The following EHD2 variants were observed in gnomAD, a reference collection of about 807,000 sequenced individuals.
EHD2 encodes the protein EH domain-containing protein 2.
A neutral mutation model predicts 41.0 loss-of-function variants in EHD2; 27 were observed. The ratio of observed to expected loss-of-function variants is 0.66; its 90% CI spans 0.49 to 0.91. EHD2 has a LOEUF of 0.91. EHD2 is among the 40% of genes least tolerant of loss of function. The pLI is 0.00. For synonymous variants in EHD2, 342 were observed against 341.0 expected, an observed-to-expected ratio of 1.00 and a Z score of -0.03; for missense variants, 673 against 773.9, an observed-to-expected ratio of 0.87 and a Z score of 1.55.
chr19:47,741,549 G>A lies in EHD2; in HGVS notation c.*117G>A. The A allele has an allele frequency of 8.1e-7, 1 of 1,232,792 alleles. No homozygotes were observed. Among genetic ancestry groups the A allele is most frequent in the African/African-American group, 1.5e-5 (1 of 65,926 alleles). The allele number at this position is 1,232,792 out of a possible 1,614,324, so 76.4% of individuals were successfully genotyped here. A position where few individuals can be genotyped will look rare whatever the true frequency, so the allele number is the denominator to read the frequency against. On this transcript the variant is annotated 3_prime_UTR_variant, in exon 6 of 6. Transcript: ENST00000263277. This position sits in a 1 kb window ranked among gnomAD's most constrained non-coding sequence, Gnocchi z 4.5. The stretch of plus-strand genomic sequence containing the variant: ...CCTCCCTGCCCAGCTGTAAGGACCG[G>A]GGGTCTCCCTCCTCACTACCGCCAG...
rs1377822590 is a variant in EHD2 at position 47,716,573 on chromosome 19, C to T, written c.-40C>T. 6.9e-7 allele frequency: 1 copy of T among 1,459,700 alleles called. No homozygotes were observed. Among genetic ancestry groups the T allele is most frequent in the Non-Finnish European group, 9.0e-7 (1 of 1,108,520 alleles). 90.4% of individuals were successfully genotyped at this position (1,459,700 alleles called of 1,614,324 possible). On this transcript the variant is annotated 5_prime_UTR_variant, in exon 2 of 6. Coordinates refer to ENST00000263277, the MANE Select transcript of EHD2 (RefSeq NM_014601.4). The stretch of plus-strand genomic sequence containing the variant: ...CCTCCCACAGGCAGCTCTCCATCTG[C>T]ACGTCTCTCCGTGAACCCCGTGAGC...
At chr19:47,732,860 G>C (rs1246143557) in intron 4 of EHD2, 1 of 152,056 alleles carries the variant, frequency 6.6e-6, no homozygotes, top group African/African-American at 2.4e-5. Flanking sequence ...AATGTGGGCG[G>C]ATCATCTGAG....
intron 2 of EHD2, among the ~76,000 whole-genome samples, chr19:47,717,840 G>A (rs1355280576): frequency 1.3e-5 from 2 of 150,392 alleles, no homozygotes; most frequent in Admixed American, 1.3e-4. Context: ...CCTGGGAGGC[G>A]GAGGTTGCAG....
chr19:47,731,455 A>T (rs1973815204), intron 4 of EHD2: 1 of 149,706 alleles, frequency 6.7e-6, no homozygotes, highest in Non-Finnish European at 1.5e-5. Flanking sequence ...GACTCCAGGC[A>T]GGTGCCACCA....
At chr19:47,718,645 G>T in intron 3 of EHD2, 39 bp downstream of exon 3, 1 of 1,521,132 alleles carries the variant, frequency 6.6e-7, no homozygotes, top group Non-Finnish European at 8.9e-7. Flanking sequence ...GGGAGGAGGG[G>T]CTGGGGCCTG....
chr19:47,742,007 G>C lies in EHD2; in HGVS notation c.*575G>C, dbSNP rs1022248393. 2 of 453,712 alleles carry C rather than the reference G, an allele frequency of 4.4e-6. No homozygotes were observed. The highest frequency in any genetic ancestry group is 2.4e-5 in the Admixed American group (1 of 42,036). 28.1% of individuals were successfully genotyped at this position (453,712 alleles called of 1,614,324 possible). ...TCAACCGGCTCCATCACATCCTCAG[G>C]TCTCGGGACCATGGGGGGCTCAGAG... On this transcript the variant is annotated 3_prime_UTR_variant, in exon 6 of 6. Coordinates refer to ENST00000263277, the MANE Select transcript of EHD2 (RefSeq NM_014601.4).
chr19:47,713,940 G>C (rs943743334), intron 1 of EHD2, among the ~76,000 whole-genome samples: 3 of 151,966 alleles, frequency 2.0e-5, no homozygotes, highest in Non-Finnish European at 4.4e-5. Context: ...ACCGCTGATA[G>C]CATTCTCCCC....
chr19:47,732,058 A>T (rs1966881169), intron 4 of EHD2: 2 of 152,038 alleles, frequency 1.3e-5, no homozygotes, highest in African/African-American at 4.8e-5. Flanking sequence ...AAGTGCTGGG[A>T]TTACAGGCGT....
chr19:47,721,919 A>T (rs2074619610), intron 3 of EHD2, among the ~76,000 whole-genome samples: 1 of 151,382 alleles, frequency 6.6e-6, no homozygotes, highest in South Asian at 2.1e-4. Flanking sequence ...CAGGAGGTGG[A>T]GGTTGCAGTG....
intron 1 of EHD2, among the ~76,000 whole-genome samples, chr19:47,714,010 A>G (rs1023607054): frequency 6.6e-6 from 1 of 151,900 alleles, no homozygotes; most frequent in East Asian, 1.9e-4. Flanking sequence ...CCCTCTGCCC[A>G]CATCCCAGAT....
At chr19:47,724,981 CAAAAAAAAAAAAAAAAAAAAAA>C (rs57660216) in intron 3 of EHD2, among the ~76,000 whole-genome samples, 6 of 53,860 alleles carry the variant, frequency 1.1e-4, no homozygotes, top group Admixed American at 3.3e-4. Flanking sequence ...GACTCTGTCT[CAAAAAAAAAAAAAAAAAAAAAA>C]AAAAAAAAAA....
chr19:47,740,637 T>C (rs1966976039), intron 5 of EHD2, among the ~76,000 whole-genome samples: 1 of 152,052 alleles, frequency 6.6e-6, no homozygotes, highest in African/African-American at 2.4e-5. Context: ...TCCCAGCTAC[T>C]TGGGAGGCTG....
intron 3 of EHD2, among the ~76,000 whole-genome samples, chr19:47,722,009 AACACACAC>A (rs201572396): frequency 0.094 from 12,233 of 130,628 alleles, 583 homozygotes; most frequent in African/African-American, 0.11. Flanking sequence ...AGAAAAACAA[AACACACAC>A]ACACACACAC....
chr19:47,714,969 T>C (rs2123631217), intron 1 of EHD2, among the ~76,000 whole-genome samples: 1 of 151,840 alleles, frequency 6.6e-6, no homozygotes, highest in East Asian at 1.9e-4. Flanking sequence ...GCCCCAGAGG[T>C]GAAGGCTGCA....
chr19:47,714,817 C>T (rs1277227329), intron 1 of EHD2, among the ~76,000 whole-genome samples: 1 of 151,912 alleles, frequency 6.6e-6, no homozygotes, highest in Non-Finnish European at 1.5e-5. Flanking sequence ...GGTGGATCAC[C>T]TGAGCTCAGG....
At position 47,733,751 on chromosome 19, in the gene EHD2, C is replaced by CAAAAAAAAAAAAAAAAAAAAAAA. The variant is rs34254815; in HGVS notation, c.916-2616_916-2594dup. The stretch of plus-strand genomic sequence containing the variant: ...TGGGTGACAGAGCAAGACTCTGTCT[C>CAAAAAAAAAAAAAAAAAAAAAAA]AAAAAAAAAAAAAAAAAAAAAAAAT... On this transcript the variant is annotated intron_variant, in intron 4 of 5. Transcript: ENST00000263277. Among the ~76,000 whole-genome samples, 11 of 57,116 alleles carry CAAAAAAAAAAAAAAAAAAAAAAA rather than the reference C, an allele frequency of 1.9e-4. 1 individual carries two copies. The highest frequency in any genetic ancestry group is 3.3e-4 in the Non-Finnish European group (10 of 30,150). The allele number at this position is 57,116 out of a possible 152,430, so 37.5% of individuals were successfully genotyped here. A position where few individuals can be genotyped will look rare whatever the true frequency, so the allele number is the denominator to read the frequency against.
At chr19:47,738,639 G>A (rs1966949996) in intron 5 of EHD2, among the ~76,000 whole-genome samples, 1 of 152,194 alleles carries the variant, frequency 6.6e-6, no homozygotes, top group East Asian at 1.9e-4. Flanking sequence ...AGCACATGTG[G>A]CTAGTGGCTG....
At chr19:47,717,063 T>G (rs530654081) in intron 2 of EHD2, 47 bp downstream of exon 2, 1 of 1,596,608 alleles carries the variant, frequency 6.3e-7, no homozygotes, top group African/African-American at 1.3e-5. Context: ...TTCTTTTTGT[T>G]AAGACAGAGT....
In EHD2 at chr19:47,716,993, T is replaced by C; in HGVS notation, c.381T>C (p.Pro127=). Residue 127 remains proline (P), a synonymous_variant, in exon 2 of 6, where the codon CCT becomes CCC. Coordinates refer to ENST00000263277, the MANE Select transcript of EHD2 (RefSeq NM_014601.4). ...ACAAGCCCTTCCGCAAACTCAACCC[T>C]TTCGGAAACACCTTCCTCAACAGGT... is the stretch of plus-strand genomic sequence containing the variant. ...DPDKPFRKLN[P]FGNTFLNRFM... is the part of the protein sequence containing the mutation. 6.2e-7 allele frequency: 1 copy of C among 1,601,330 alleles called. No homozygotes were observed.
Sources: allele counts gnomAD v4.1 joint callset (sites outside exome capture counted in the v4.1 genomes callset), GRCh38; gene constraint gnomAD v4.1.1; non-coding constraint Gnocchi (gnomAD v3.1); transcripts MANE v1.5; gene names NCBI Gene and HGNC (gene_info 2026-07-23, HGNC 2026-07-21).